Variants in CACNA2D3 observed in about 807,000 individuals in gnomAD.
CACNA2D3 encodes the protein voltage-dependent calcium channel subunit alpha-2/delta-3.
In CACNA2D3, 60 loss-of-function variants were observed where a neutral mutation model predicts 160.6. That is an observed-to-expected ratio of 0.37 (90% CI 0.30 to 0.46). The LOEUF (loss-of-function observed/expected upper bound fraction) is 0.46, where lower values mean the gene tolerates loss of function less well. CACNA2D3 is among the 20% of genes least tolerant of loss of function. CACNA2D3 has a pLI of 1.00. For missense variants in CACNA2D3, 1,205 were observed against 1,365.0 expected (o/e 0.88, Z 1.85); for synonymous variants, 558 against 492.9 (o/e 1.13, Z -1.75).
chr3:54,809,469 C>A (rs558175555), intron 13 of CACNA2D3, among the ~76,000 whole-genome samples: 5 of 144,282 alleles, frequency 3.5e-5, no homozygotes, highest in Admixed American at 6.8e-5. Context: ...CAGGCGCCCG[C>A]CACCGCGCCC....
At chr3:54,513,031 A>T (rs997830086) in intron 5 of CACNA2D3, among the ~76,000 whole-genome samples, 1 of 152,096 alleles carries the variant, frequency 6.6e-6, no homozygotes, top group Non-Finnish European at 1.5e-5. Context: ...TGAGAACAGC[A>T]TGGGAAAAAC....
At chr3:55,010,704 G>A (rs1158445731) in intron 34 of CACNA2D3, among the ~76,000 whole-genome samples, 1 of 152,190 alleles carries the variant, frequency 6.6e-6, no homozygotes, top group African/African-American at 2.4e-5. Flanking sequence ...TGCCCCAGGT[G>A]CTGGATCTAT....
At chr3:55,054,351 T>C (rs1007569812) in intron 35 of CACNA2D3, among the ~76,000 whole-genome samples, 2 of 151,878 alleles carry the variant, frequency 1.3e-5, no homozygotes, top group Non-Finnish European at 2.9e-5. Context: ...TTCTCTTTGT[T>C]CTCTAATTTG....
At chr3:54,564,248 C>T (rs1702374130) in intron 6 of CACNA2D3, among the ~76,000 whole-genome samples, 3 of 152,188 alleles carry the variant, frequency 2.0e-5, no homozygotes, top group Admixed American at 2.0e-4. Flanking sequence ...AGTCCTTAAA[C>T]TATGGTCACG....
chr3:54,809,024 T>A (rs1264019358), intron 13 of CACNA2D3, among the ~76,000 whole-genome samples: 1 of 152,192 alleles, frequency 6.6e-6, no homozygotes, highest in African/African-American at 2.4e-5. Context: ...CACATTAATC[T>A]CATGAAATAA....
At chr3:54,720,546 C>T (rs1701149733) in intron 11 of CACNA2D3, among the ~76,000 whole-genome samples, 1 of 151,752 alleles carries the variant, frequency 6.6e-6, no homozygotes, top group Non-Finnish European at 1.5e-5. Context: ...GATCCTTGAG[C>T]ACTTGTAAAA....
intron 4 of CACNA2D3, among the ~76,000 whole-genome samples, chr3:54,397,513 G>A (rs1233142967): frequency 7.3e-6 from 1 of 136,424 alleles, no homozygotes; most frequent in African/African-American, 2.8e-5. Flanking sequence ...TCTGGTATGT[G>A]GTGTCTTTGT....
At chr3:54,702,858 GAA>G (rs1284868667) in intron 11 of CACNA2D3, among the ~76,000 whole-genome samples, 1 of 152,146 alleles carries the variant, frequency 6.6e-6, no homozygotes, top group Admixed American at 6.5e-5. Flanking sequence ...ATTGGATAAA[GAA>G]AATGTGGTAC....
At chr3:54,150,008 T>C (rs1298641131) in intron 2 of CACNA2D3, among the ~76,000 whole-genome samples, 1 of 141,868 alleles carries the variant, frequency 7.0e-6, no homozygotes, top group Non-Finnish European at 1.5e-5. Flanking sequence ...TTTCTCTCTT[T>C]ATCTCTCTGT....
intron 16 of CACNA2D3, among the ~76,000 whole-genome samples, chr3:54,840,329 A>G (rs574118036): frequency 1.3e-5 from 2 of 151,574 alleles, no homozygotes; most frequent in African/African-American, 4.8e-5. Context: ...CCCATTTTAT[A>G]GTTAAAGAAA....
intron 5 of CACNA2D3, among the ~76,000 whole-genome samples, chr3:54,549,221 C>T (rs371888439): frequency 2.0e-5 from 3 of 152,098 alleles, no homozygotes; most frequent in Non-Finnish European, 2.9e-5. Flanking sequence ...CCGAGGCGGG[C>T]GGATCACGAG....
At chr3:54,518,377 GAGAGAGAGA>G (rs1701589563) in intron 5 of CACNA2D3, among the ~76,000 whole-genome samples, 2 of 152,148 alleles carry the variant, frequency 1.3e-5, no homozygotes, top group East Asian at 1.9e-4. Flanking sequence ...GAGGAAGTGG[GAGAGAGAGA>G]GAGGGAAAGC....
intron 2 of CACNA2D3, among the ~76,000 whole-genome samples, chr3:54,172,123 T>TG (rs1700585131): frequency 6.6e-6 from 1 of 152,242 alleles, no homozygotes; most frequent in African/African-American, 2.4e-5. Flanking sequence ...CCTGCAGGTC[T>TG]GCCCTGCCAG....
intron 35 of CACNA2D3, among the ~76,000 whole-genome samples, chr3:55,065,321 A>G (rs572645226): frequency 1.3e-5 from 2 of 152,294 alleles, no homozygotes; most frequent in South Asian, 2.1e-4. Flanking sequence ...AAGTGACACC[A>G]TGCACCACAA....
chr3:54,400,714 A>G (rs1396314397), intron 4 of CACNA2D3, among the ~76,000 whole-genome samples: 1 of 152,124 alleles, frequency 6.6e-6, no homozygotes, highest in Non-Finnish European at 1.5e-5. Context: ...GCCCTACCAA[A>G]TTGGCACAGT....
chr3:54,653,031 C>T (rs901162402), intron 11 of CACNA2D3, among the ~76,000 whole-genome samples: 2 of 152,088 alleles, frequency 1.3e-5, no homozygotes, highest in Admixed American at 6.6e-5. Context: ...GATCCACCTG[C>T]CTTGGTCTCC....
At chr3:54,609,790 C>T (rs1488375804) in intron 9 of CACNA2D3, among the ~76,000 whole-genome samples, 3 of 152,126 alleles carry the variant, frequency 2.0e-5, no homozygotes, top group Non-Finnish European at 4.4e-5. Context: ...AAAGCATTTT[C>T]TAGGAACACC....
At chr3:54,863,701 C>G (rs975289594) in intron 17 of CACNA2D3, among the ~76,000 whole-genome samples, 6 of 146,200 alleles carry the variant, frequency 4.1e-5, no homozygotes, top group Middle Eastern at 3.5e-3. Context: ...TCAAAGCAGC[C>G]TGTTAATTGT....
intron 14 of CACNA2D3, among the ~76,000 whole-genome samples, chr3:54,830,452 T>C (rs903677195): frequency 7.4e-4 from 17 of 23,026 alleles, no homozygotes; most frequent in African/African-American, 4.3e-3. Context: ...TTTAAATACT[T>C]TTTTTTTTTT....
Sources: gnomAD v4.1 joint callset for allele counts (sites outside exome capture counted in the v4.1 genomes callset) on GRCh38, gnomAD v4.1.1 for gene constraint, MANE v1.5 for transcripts, NCBI Gene and HGNC (gene_info 2026-07-23, HGNC 2026-07-21) for gene names.